The following GRIN2A variants were observed in gnomAD, a reference collection of about 807,000 sequenced individuals.
The protein encoded by GRIN2A is glutamate ionotropic receptor NMDA type subunit 2A.
In GRIN2A, 22 loss-of-function variants were observed where a neutral mutation model predicts 113.4. The ratio of observed to expected loss-of-function variants is 0.19; its 90% CI spans 0.14 to 0.28. The LOEUF is 0.28. GRIN2A is among the 10% of genes least tolerant of loss of function. The probability of loss-of-function intolerance (pLI) is 1.00; values close to 1 mark genes in which losing one functional copy is unlikely to be tolerated. For missense variants in GRIN2A, 1,502 were observed against 1,887.0 expected, an observed-to-expected ratio of 0.80 and a Z score of 3.78; for synonymous variants, 827 against 738.4, an observed-to-expected ratio of 1.12 and a Z score of -1.94.
rs767326993 is a variant in GRIN2A, at chr16:9,764,328, C to G, written c.3216G>C (p.Arg1072Ser). The G allele has an allele frequency of 1.9e-6, 3 of 1,613,980 alleles. No homozygotes were observed. ...SETSNRATCH[R>S]EPDNSKNHKT... ...TGTGGTTCTTACTGTTGTCAGGTTC[C>G]CTGTGGCACGTGGCCCGATTTGACG... Residue 1072 changes from arginine (R) to serine (S), a missense_variant, in exon 13 of 13, where the codon AGG (arginine) becomes AGC (serine). Physicochemically the swap from Arg to Ser is moderately radical, Grantham distance 110 (BLOSUM62 -1). Transcript: ENST00000330684.
intron 4 of GRIN2A, among the ~76,000 whole-genome samples, chr16:9,851,410 C>A (rs148978856): frequency 6.6e-6 from 1 of 152,116 alleles, no homozygotes. Context: ...TTCATTCATT[C>A]GACATAGATT....
intron 2 of GRIN2A, among the ~76,000 whole-genome samples, chr16:10,065,657 T>A (rs1296177446): frequency 6.6e-6 from 1 of 152,218 alleles, no homozygotes; most frequent in Non-Finnish European, 1.5e-5. Context: ...GCATCTAGCA[T>A]AGTTCTTGAC....
At chr16:9,862,273 A>G (rs2043082592) in intron 4 of GRIN2A, among the ~76,000 whole-genome samples, 1 of 152,344 alleles carries the variant, frequency 6.6e-6, no homozygotes, top group South Asian at 2.1e-4. Flanking sequence ...CTCTCAGTTG[A>G]AATTTCAGAA....
At chr16:9,951,213 G>C (rs1206228684) in intron 2 of GRIN2A, among the ~76,000 whole-genome samples, 1 of 152,150 alleles carries the variant, frequency 6.6e-6, no homozygotes, top group African/African-American at 2.4e-5. Flanking sequence ...ACTAATGCCA[G>C]GAGATTTAGC....
intron 4 of GRIN2A, among the ~76,000 whole-genome samples, chr16:9,863,840 A>G (rs2043114333): frequency 6.6e-6 from 1 of 152,168 alleles, no homozygotes; most frequent in Non-Finnish European, 1.5e-5. Flanking sequence ...TATTATAAAA[A>G]CCCAAACATA....
chr16:10,165,431 C>T (rs182401057), intron 2 of GRIN2A, among the ~76,000 whole-genome samples: 9 of 149,574 alleles, frequency 6.0e-5, no homozygotes, highest in South Asian at 2.1e-4. Flanking sequence ...CTCTAAAATA[C>T]ATATGTATAG....
Position 10,034,355 on chromosome 16 carries a change from T to C in GRIN2A, c.415-95804A>G, listed in dbSNP as rs138504045. Reference sequence around the variant, plus strand: ...TCTTGGCCAATATGGTGAAACCCTATCTCTACTAAAAATCCAAAAAATTAG... The same window carrying C: ...TCTTGGCCAATATGGTGAAACCCTACCTCTACTAAAAATCCAAAAAATTAG... On this transcript the variant is annotated intron_variant, in intron 2 of 12. Coordinates refer to ENST00000330684, the MANE Select transcript of GRIN2A (RefSeq NM_001134407.3). Among the ~76,000 whole-genome samples, 621 of 151,732 alleles carry C rather than the reference T, an allele frequency of 4.1e-3. 1 individual carries two copies. Among genetic ancestry groups the C allele is most frequent in the African/African-American group, 0.015 (600 of 41,348 alleles).
At chr16:9,828,441 T>C (rs1178827269) in intron 9 of GRIN2A, among the ~76,000 whole-genome samples, 1 of 152,228 alleles carries the variant, frequency 6.6e-6, no homozygotes, top group African/African-American at 2.4e-5. Context: ...TGGATTGATT[T>C]TCTATTCAGC....
chr16:9,809,398 C>G (rs779050515), intron 10 of GRIN2A, among the ~76,000 whole-genome samples: 1 of 152,006 alleles, frequency 6.6e-6, no homozygotes, highest in South Asian at 2.1e-4. Flanking sequence ...CCACTGCACT[C>G]CAGCCTGGGC....
At chr16:10,036,589 C>A (rs1365314659) in intron 2 of GRIN2A, among the ~76,000 whole-genome samples, 1 of 150,430 alleles carries the variant, frequency 6.6e-6, no homozygotes, top group East Asian at 2.0e-4. Context: ...TACAGGCACC[C>A]GCCACAACGC....
intron 2 of GRIN2A, among the ~76,000 whole-genome samples, chr16:10,084,289 C>T (rs754798253): frequency 2.6e-5 from 4 of 152,166 alleles, no homozygotes; most frequent in African/African-American, 4.8e-5. Flanking sequence ...TAGTCTCTGC[C>T]CTTTTTCCCA....
At chr16:10,140,144 T>C (rs895214512) in intron 2 of GRIN2A, among the ~76,000 whole-genome samples, 2 of 152,268 alleles carry the variant, frequency 1.3e-5, no homozygotes, top group Admixed American at 6.5e-5. Flanking sequence ...TAACTCAGTG[T>C]AGTTCCACTG....
At chr16:9,818,421 A>G (rs1300200939) in intron 10 of GRIN2A, among the ~76,000 whole-genome samples, 1 of 152,122 alleles carries the variant, frequency 6.6e-6, no homozygotes, top group Non-Finnish European at 1.5e-5. Context: ...CTTTTGAATT[A>G]CGTCTCAAAA....
intron 10 of GRIN2A, among the ~76,000 whole-genome samples, chr16:9,799,082 G>A (rs11642729): frequency 0.28 from 42,115 of 152,052 alleles, 5,950 homozygotes; most frequent in Non-Finnish European, 0.32. Flanking sequence ...GCACAAACAC[G>A]CATACACAGA....
At chr16:9,960,962 T>G (rs990339902) in intron 2 of GRIN2A, among the ~76,000 whole-genome samples, 2 of 152,144 alleles carry the variant, frequency 1.3e-5, no homozygotes, top group Admixed American at 6.5e-5. Context: ...AGTTATACAC[T>G]TGAGCTAATA....
At chr16:10,022,313 TCA>T (rs1264084614) in intron 2 of GRIN2A, among the ~76,000 whole-genome samples, 3 of 151,440 alleles carry the variant, frequency 2.0e-5, no homozygotes, top group Non-Finnish European at 4.4e-5. Flanking sequence ...ATGCACATAT[TCA>T]CACACACACG....
intron 4 of GRIN2A, among the ~76,000 whole-genome samples, chr16:9,851,408 T>C (rs764060797): frequency 2.6e-5 from 4 of 152,220 alleles, no homozygotes; most frequent in East Asian, 1.9e-4. Flanking sequence ...TCTTCATTCA[T>C]TCGACATAGA....
At chr16:9,803,196 G>C (rs765101632) in intron 10 of GRIN2A, among the ~76,000 whole-genome samples, 1 of 151,974 alleles carries the variant, frequency 6.6e-6, no homozygotes, top group Non-Finnish European at 1.5e-5. Context: ...CCTGAGGTCG[G>C]GAGTTTGAGA....
chr16:9,848,291 T>C (rs1393199741), intron 5 of GRIN2A, among the ~76,000 whole-genome samples: 3 of 151,038 alleles, frequency 2.0e-5, no homozygotes, highest in East Asian at 1.9e-4. Context: ...TCTCGACTTA[T>C]TGCAACCTCC....
Sources: allele counts gnomAD v4.1 joint callset (sites outside exome capture counted in the v4.1 genomes callset), GRCh38; gene constraint gnomAD v4.1.1; transcripts MANE v1.5; gene names NCBI Gene and HGNC (gene_info 2026-07-23, HGNC 2026-07-21).